The following RASAL2 variants were observed in gnomAD, a reference collection of about 807,000 sequenced individuals.
RASAL2 encodes ras GTPase-activating protein nGAP.
In RASAL2, 58 loss-of-function variants were observed where a neutral mutation model predicts 128.9. The observed-to-expected ratio is 0.45, with a 90% CI of 0.36 to 0.56. The LOEUF (loss-of-function observed/expected upper bound fraction) is 0.56. Among genes scored for constraint, RASAL2 ranks in the 20% least tolerant of loss-of-function variants. The pLI is 0.00. For missense variants in RASAL2, 1,360 were observed against 1,601.6 expected, an observed-to-expected ratio of 0.85 and a Z score of 2.57; for synonymous variants, 561 against 580.8, an observed-to-expected ratio of 0.97 and a Z score of 0.49.
rs557562139 is a variant in RASAL2, at chr1:178,360,554, G to A, written c.458-29546G>A. Among the ~76,000 whole-genome samples, 51 of 152,300 alleles carry A rather than the reference G, an allele frequency of 3.3e-4. No individual in the cohort carries two copies. The Middle Eastern group carries it at 0.017, about 51-fold the overall frequency. On this transcript the variant is annotated intron_variant, in intron 3 of 17. Transcript: ENST00000367649. ...TTTTTTGGTGTCTACTTAGCTCATA[G>A]TAATCAACTATATCTTTCCTTTGCA...
intron 4 of RASAL2, among the ~76,000 whole-genome samples, chr1:178,399,094 G>A (rs1046856553): frequency 3.3e-5 from 5 of 152,176 alleles, no homozygotes; most frequent in African/African-American, 1.2e-4. Context: ...TGGGGACCTT[G>A]GGCATGGTAC....
At chr1:178,415,762 A>C (rs1674712376) in intron 4 of RASAL2, among the ~76,000 whole-genome samples, 1 of 152,094 alleles carries the variant, frequency 6.6e-6, no homozygotes, top group Non-Finnish European at 1.5e-5. Context: ...GCACATACAC[A>C]TTAAGGCTGT....
At chr1:178,231,691 C>T (rs2102024024) in intron 1 of RASAL2, among the ~76,000 whole-genome samples, 1 of 151,962 alleles carries the variant, frequency 6.6e-6, no homozygotes, top group South Asian at 2.1e-4. Flanking sequence ...TTTTTTTCTC[C>T]TCACAGATTA....
chr1:178,388,630 T>C (rs1373045445), intron 3 of RASAL2, among the ~76,000 whole-genome samples: 3 of 152,172 alleles, frequency 2.0e-5, no homozygotes. Flanking sequence ...ACAGAGAAGA[T>C]ATGTTTAGTC....
intron 1 of RASAL2, among the ~76,000 whole-genome samples, chr1:178,262,614 T>G (rs1665749814): frequency 6.6e-6 from 1 of 152,208 alleles, no homozygotes; most frequent in Non-Finnish European, 1.5e-5. Flanking sequence ...TACACATTTT[T>G]GTACCAATTG....
chr1:178,255,226 T>C (rs1218262008), intron 1 of RASAL2, among the ~76,000 whole-genome samples: 1 of 152,032 alleles, frequency 6.6e-6, no homozygotes, highest in African/African-American at 2.4e-5. Context: ...TGAAAGCAAG[T>C]AACTCCAGAC....
intron 4 of RASAL2, among the ~76,000 whole-genome samples, chr1:178,399,963 G>A (rs557070403): frequency 6.6e-6 from 1 of 152,264 alleles, no homozygotes; most frequent in Admixed American, 6.5e-5. Flanking sequence ...ACGATTCCAT[G>A]CCCATGAACA....
intron 1 of RASAL2, among the ~76,000 whole-genome samples, chr1:178,219,497 C>T (rs771289342): frequency 5.9e-5 from 9 of 151,800 alleles, no homozygotes; most frequent in Admixed American, 1.3e-4. Flanking sequence ...AAAAATTAGC[C>T]AGGCTTGGTG....
intron 17 of RASAL2, among the ~76,000 whole-genome samples, chr1:178,471,424 C>T (rs774149922): frequency 5.3e-5 from 8 of 151,954 alleles, no homozygotes; most frequent in Non-Finnish European, 1.0e-4. Flanking sequence ...TTTTTAAAAG[C>T]CTTGCAGCTC....
chr1:178,167,465 A>G (rs1253075081), intron 1 of RASAL2, among the ~76,000 whole-genome samples: 3 of 152,142 alleles, frequency 2.0e-5, no homozygotes, highest in Non-Finnish European at 2.9e-5. Context: ...CTATTTATAA[A>G]TAAGAGATTG....
chr1:178,395,789 A>ATATATATATT, intron 4 of RASAL2, among the ~76,000 whole-genome samples: 1 of 144,354 alleles, frequency 6.9e-6, no homozygotes, highest in Non-Finnish European at 1.5e-5. Flanking sequence ...ATATATATAT[A>ATATATATATT]TATTTATTTA....
intron 1 of RASAL2, among the ~76,000 whole-genome samples, chr1:178,167,681 T>C (rs564796317): frequency 1.3e-5 from 2 of 152,240 alleles, no homozygotes; most frequent in Admixed American, 1.3e-4. Context: ...AACTAGTATT[T>C]ACATATATTT....
At chr1:178,450,753 G>C (rs1481324417) in intron 9 of RASAL2, among the ~76,000 whole-genome samples, 1 of 152,050 alleles carries the variant, frequency 6.6e-6, no homozygotes, top group Non-Finnish European at 1.5e-5. Context: ...AATATTTATT[G>C]AGCACCTGTA....
At chr1:178,361,103 G>A (rs1271679731) in intron 3 of RASAL2, among the ~76,000 whole-genome samples, 2 of 152,160 alleles carry the variant, frequency 1.3e-5, no homozygotes, top group African/African-American at 2.4e-5. Context: ...TAATGTTAAT[G>A]AATTTCTGAG....
intron 1 of RASAL2, among the ~76,000 whole-genome samples, chr1:178,169,573 G>T (rs543370293): frequency 6.6e-6 from 1 of 152,222 alleles, no homozygotes; most frequent in African/African-American, 2.4e-5. Flanking sequence ...CAAGCCAAGA[G>T]ATATGCGGAA....
chr1:178,217,661 A>G (rs1423219997), intron 1 of RASAL2, among the ~76,000 whole-genome samples: 1 of 152,180 alleles, frequency 6.6e-6, no homozygotes, highest in African/African-American at 2.4e-5. Flanking sequence ...CTGAATTTAA[A>G]ATTTTTTTAT....
At chr1:178,433,607 T>C (rs1676067034) in intron 5 of RASAL2, among the ~76,000 whole-genome samples, 1 of 152,054 alleles carries the variant, frequency 6.6e-6, no homozygotes, top group South Asian at 2.1e-4. Context: ...GTTATGAGTT[T>C]AGGAATTACT....
chr1:178,277,167 A>C (rs1362849798), intron 1 of RASAL2, among the ~76,000 whole-genome samples: 1 of 151,736 alleles, frequency 6.6e-6, no homozygotes, highest in Non-Finnish European at 1.5e-5. Flanking sequence ...AAAAAAAAAA[A>C]AAACCAAAAA....
At chr1:178,368,873 T>A (rs1234973278) in intron 3 of RASAL2, among the ~76,000 whole-genome samples, 1 of 152,026 alleles carries the variant, frequency 6.6e-6, no homozygotes, top group Non-Finnish European at 1.5e-5. Context: ...CCTGGGTTCC[T>A]CAGCCTCCCA....
Sources: gnomAD v4.1 joint callset for allele counts (sites outside exome capture counted in the v4.1 genomes callset) on GRCh38, gnomAD v4.1.1 for gene constraint, MANE v1.5 for transcripts, NCBI Gene and HGNC (gene_info 2026-07-23, HGNC 2026-07-21) for gene names.